Variants in XYLT2 observed in about 807,000 individuals in gnomAD.
The protein encoded by XYLT2 is UDP-D-xylose:proteoglycan core protein beta-D-xylosyltransferase.
A neutral mutation model predicts 82.6 loss-of-function variants in XYLT2; 37 were observed. That is an observed-to-expected ratio of 0.45 (90% CI 0.34 to 0.59). The LOEUF is 0.59. XYLT2 is among the 20% of genes least tolerant of loss of function. XYLT2 has a pLI of 0.01. For missense variants in XYLT2, 934 were observed against 1,181.3 expected (o/e 0.79, Z 3.07); for synonymous variants, 474 against 499.0 (o/e 0.95, Z 0.67).
chr17:50,349,367 G>A lies in XYLT2; in HGVS notation c.135+3092G>A, dbSNP rs532743719. On this transcript the variant is annotated intron_variant, in intron 1 of 10. Coordinates refer to ENST00000017003, the MANE Select transcript of XYLT2 (RefSeq NM_022167.4). Reference sequence around the variant, plus strand: ...GCCTGTGGTGCCCTCCCCAGTGTGGGTAGAGAATAGGGTCTGCTGCCTCCT... The same window carrying A: ...GCCTGTGGTGCCCTCCCCAGTGTGGATAGAGAATAGGGTCTGCTGCCTCCT... Among the ~76,000 whole-genome samples the A allele has an allele frequency of 5.9e-5, 9 of 152,072 alleles. No homozygotes were observed. The South Asian group carries it at 1.5e-3, about 25-fold the overall frequency.
Position 50,358,363 on chromosome 17 carries a change from T to A in XYLT2, c.2098T>A (p.Ser700Thr), listed in dbSNP as rs1259403687. Residue 700 changes from serine to threonine, a missense_variant, in exon 10 of 11, where the codon TCT becomes ACT. Ser to Thr is a moderately conservative substitution (Grantham distance 58). This residue lies in a region of XYLT2 where 374 missense variants were observed against 465.6 expected (regional missense o/e 0.80). Coordinates refer to ENST00000017003, the MANE Select transcript of XYLT2 (RefSeq NM_022167.4). ...WIDPTYVVAT[S>T]YDITVDTETE... is the part of the protein sequence containing the mutation. ...CGACCCAACCTATGTGGTGGCCACA[T>A]CTTATGACATCACAGTAGATACGGA... The A allele has an allele frequency of 1.9e-6, 3 of 1,613,892 alleles. No homozygotes were observed. In the African/African-American group the frequency reaches 4.0e-5, roughly 22 times the overall value.
chr17:50,359,842 A>T, intron 10 of XYLT2, 127 bp from the exon 11 acceptor site: 1 of 838,954 alleles, frequency 1.2e-6, no homozygotes, highest in Non-Finnish European at 1.8e-6. Context: ...GCCCAAGGTC[A>T]TTCAGCAAGC....
intron 1 of XYLT2, among the ~76,000 whole-genome samples, chr17:50,348,330 A>G (rs1028280973): frequency 6.6e-6 from 1 of 152,176 alleles, no homozygotes; most frequent in Non-Finnish European, 1.5e-5. Flanking sequence ...TGGGCAGGAG[A>G]GTTCAGGCAG....
intron 3 of XYLT2, 33 bp from the exon 4 acceptor site, chr17:50,354,809 ATGGCGATAACAC>A (rs1292675622): frequency 6.2e-7 from 1 of 1,606,616 alleles, no homozygotes; most frequent in Admixed American, 1.7e-5. Flanking sequence ...GGGATTGGGG[ATGGCGATAACAC>A]TGGAGGCTAG....
In XYLT2 at chr17:50,348,812, C is replaced by T. The variant is rs115992725; in HGVS notation, c.135+2537C>T. On this transcript the variant is annotated intron_variant, in intron 1 of 10. Transcript: ENST00000017003. Reference sequence around the variant, plus strand: ...GGAGGAGAGGAAGGAGCCTCTGAGGCCAGAATGTATCCCAGCCAGAAGTCA... The same window carrying T: ...GGAGGAGAGGAAGGAGCCTCTGAGGTCAGAATGTATCCCAGCCAGAAGTCA... 6.9e-3 allele frequency among the ~76,000 whole-genome samples: 1,050 copies of T among 152,308 alleles called. 13 individuals carry two copies. The highest frequency in any genetic ancestry group is 0.024 in the African/African-American group (999 of 41,554).
intron 9 of XYLT2, 138 bp downstream of exon 9, chr17:50,357,390 A>G: frequency 1.2e-6 from 1 of 833,560 alleles, no homozygotes; most frequent in Non-Finnish European, 1.8e-6. Context: ...CCATGCAGAC[A>G]TCCTGTGTCA....
chr17:50,349,675 CT>C (rs1346148107), intron 1 of XYLT2, among the ~76,000 whole-genome samples: 1 of 152,198 alleles, frequency 6.6e-6, no homozygotes, highest in African/African-American at 2.4e-5. Context: ...CTGAAGGTAG[CT>C]GTCAGCCTGA....
chr17:50,357,460 G>A, intron 9 of XYLT2: 3 of 527,698 alleles, frequency 5.7e-6, no homozygotes, highest in Middle Eastern at 4.9e-4. Flanking sequence ...AGGACATGCA[G>A]GGAGCAGGGA....
chr17:50,361,177 G>C lies in XYLT2; in HGVS notation c.*886G>C, dbSNP rs1309351018. ...CTCTGGGCTCTGTGTTTTTCCTCCT[G>C]GGTGTCAGGAAGCCATCACCATTCA... On this transcript the variant is annotated 3_prime_UTR_variant, in exon 11 of 11. Transcript: ENST00000017003. The C allele has an allele frequency of 1.0e-5, 10 of 983,574 alleles. No individual in the cohort carries two copies. The highest frequency in any genetic ancestry group is 1.2e-5 in the Non-Finnish European group (10 of 827,878). The allele number at this position is 983,574 out of a possible 1,614,324, so 60.9% of individuals were successfully genotyped here. A position where few individuals can be genotyped will look rare whatever the true frequency, so the allele number is the denominator to read the frequency against.
At position 50,353,789 on chromosome 17, in the gene XYLT2, G is replaced by A. The variant is rs1912370855; in HGVS notation, c.295G>A (p.Val99Ile). ...GVPVAKVVRA[V>I]TSRQRASRRV... The stretch of plus-strand genomic sequence containing the variant: ...GCCCGTGGCCAAGGTGGTACGGGCA[G>A]TAACCAGCCGGCAGAGAGCCAGCCG... The change falls in exon 2 of 11, where the codon GTA becomes ATA. Residue 99 changes from valine to isoleucine, a missense_variant. By Grantham distance (29) the Val-to-Ile change is conservative. This residue lies in a region of XYLT2 where 371 missense variants were observed against 394.9 expected (regional missense o/e 0.94). Transcript: ENST00000017003. 1.3e-6 allele frequency: 2 copies of A among 1,564,424 alleles called. No homozygotes were observed. The highest frequency in any genetic ancestry group is 1.7e-6 in the Non-Finnish European group (2 of 1,155,090).
Position 50,355,840 on chromosome 17 carries a change from G to A in XYLT2, c.1148G>A (p.Arg383His), listed in dbSNP as rs200618660. The A allele has an allele frequency of 1.2e-6, 2 of 1,614,130 alleles. No homozygotes were observed. Among genetic ancestry groups the A allele is most frequent in the South Asian group, 1.1e-5 (1 of 91,094 alleles). The stretch of plus-strand genomic sequence containing the variant: ...CATGAGTGCGACTCACACATGTGGC[G>A]CCTGGGCGAGCGGCAGATCCCAGCA... ...LFHECDSHMWRLGERQIPAGI... is the reference protein window; with the variant it reads ...LFHECDSHMWHLGERQIPAGI... Residue 383 changes from arginine (R) to histidine (H), a missense_variant, in exon 6 of 11, where the codon CGC (arginine) becomes CAC (histidine). Arg to His is a conservative substitution (Grantham distance 29). Around this residue, in one of 3 missense-constraint regions of XYLT2, gnomAD observed 189 missense variants for 320.8 expected, o/e 0.59. Coordinates refer to ENST00000017003, the MANE Select transcript of XYLT2 (RefSeq NM_022167.4).
chr17:50,350,090 C>T (rs939622477), intron 1 of XYLT2, among the ~76,000 whole-genome samples: 10 of 143,978 alleles, frequency 6.9e-5, no homozygotes, highest in African/African-American at 1.0e-4. Context: ...GGCTGAGGCA[C>T]GAGAATCGCT....
chr17:50,353,305 A>T (rs1051091049), intron 1 of XYLT2, among the ~76,000 whole-genome samples: 1 of 152,224 alleles, frequency 6.6e-6, no homozygotes, highest in South Asian at 2.1e-4. Flanking sequence ...ACACACGTAG[A>T]TATTTATTTT....
chr17:50,358,437 A>C lies in XYLT2; in HGVS notation c.2172A>C (p.Pro724=), dbSNP rs753793063. 3.1e-6 allele frequency: 5 copies of C among 1,614,038 alleles called. No individual in the cohort carries two copies. Among genetic ancestry groups the C allele is most frequent in the Non-Finnish European group, 4.2e-6 (5 of 1,180,042 alleles). Residue 724 remains proline (P), a synonymous_variant, in exon 10 of 11, where the codon CCA becomes CCC. Transcript: ENST00000017003. ...YKPPLSRPLR[P]GPWTVRLLQF... ...CCCCACTGAGCCGGCCCCTGCGGCC[A>C]GGGCCCTGGACTGTTCGACTCCTTC...
chr17:50,352,384 G>T (rs1352510187), intron 1 of XYLT2, among the ~76,000 whole-genome samples: 1 of 152,224 alleles, frequency 6.6e-6, no homozygotes, highest in Non-Finnish European at 1.5e-5. Context: ...GTCCGTGTGT[G>T]CCAGCTGCTC....
At position 50,353,715 on chromosome 17, in the gene XYLT2, C is replaced by T. The variant is rs1912364984; in HGVS notation, c.221C>T (p.Thr74Ile). The T allele has an allele frequency of 6.4e-7, 1 of 1,561,050 alleles. No homozygotes were observed. Among genetic ancestry groups the T allele is most frequent in the Non-Finnish European group, 8.7e-7 (1 of 1,152,094 alleles). Residue 74 changes from threonine (T) to isoleucine (I), a missense_variant, in exon 2 of 11, where the codon ACA becomes ATA. Coordinates refer to ENST00000017003, the MANE Select transcript of XYLT2 (RefSeq NM_022167.4). ...TDSSAGRRGS[T>I]GRRHGRWRGR... ...AGTTCAGCAGGGCGACGGGGCAGCA[C>T]AGGCAGAAGGCATGGGCGCTGGCGG... is the stretch of plus-strand genomic sequence containing the variant.
chr17:50,353,295 A>ATATTTATTTTATG (rs1912346707), intron 1 of XYLT2, among the ~76,000 whole-genome samples: 1 of 152,100 alleles, frequency 6.6e-6, no homozygotes, highest in Admixed American at 6.5e-5. Flanking sequence ...TTCCCTTGGG[A>ATATTTATTTTATG]CACACGTAGA....
At chr17:50,357,596 T>TC (rs1268867486) in intron 9 of XYLT2, 1 of 206,550 alleles carries the variant, frequency 4.8e-6, no homozygotes. Flanking sequence ...CATAGTCTTT[T>TC]TTTTTTTTTT....
At position 50,355,000 on chromosome 17, in the gene XYLT2, G is replaced by C; in HGVS notation, c.951G>C (p.Val317=). 1.3e-6 allele frequency: 2 copies of C among 1,545,272 alleles called. No individual in the cohort carries two copies. Among genetic ancestry groups the C allele is most frequent in the Non-Finnish European group, 8.7e-7 (1 of 1,146,350 alleles). The change falls in exon 4 of 11, where the codon GTG becomes GTC. Residue 317 remains valine, a synonymous_variant. Coordinates refer to ENST00000017003, the MANE Select transcript of XYLT2 (RefSeq NM_022167.4). ...GGAGCATGCGGGACCTGCTAGAGGTGCCTGGCTGGGCCTGGGACTTCTTCA... is the reference window on the plus strand; with the variant it reads ...GGAGCATGCGGGACCTGCTAGAGGTCCCTGGCTGGGCCTGGGACTTCTTCA... ...YLRSMRDLLE[V]PGWAWDFFIN...
Sources: allele counts gnomAD v4.1 joint callset (sites outside exome capture counted in the v4.1 genomes callset), GRCh38; gene constraint gnomAD v4.1.1; regional missense constraint gnomAD v4.1.1; transcripts MANE v1.5; gene names NCBI Gene and HGNC (gene_info 2026-07-23, HGNC 2026-07-21).